The following ELP3 variants were observed in gnomAD, a reference collection of about 807,000 sequenced individuals.
The protein encoded by ELP3 is elongator acetyltransferase complex subunit 3.
Under a neutral mutation model 74.9 loss-of-function variants are expected in ELP3, and 56 were observed. That is an observed-to-expected ratio of 0.75 (90% CI 0.60 to 0.93). The LOEUF (loss-of-function observed/expected upper bound fraction) is 0.93, where lower values mean the gene tolerates loss of function less well. Ranked by LOEUF, ELP3 falls within the 40% of genes least tolerant of loss-of-function variation. The pLI is 0.00. For synonymous variants in ELP3, 222 were observed against 239.8 expected (o/e 0.93, Z 0.68); for missense variants, 573 against 686.5 (o/e 0.83, Z 1.85).
chr8:28,173,653 T>A (rs932980228), intron 14 of ELP3, among the ~76,000 whole-genome samples: 2 of 151,524 alleles, frequency 1.3e-5, no homozygotes, highest in Non-Finnish European at 3.0e-5. Flanking sequence ...TTCCTTAAGG[T>A]GTAGAGTAGG....
chr8:28,162,008 G>A lies in ELP3; in HGVS notation c.1497G>A (p.Met499Ile), dbSNP rs779372505. 4.3e-6 allele frequency: 7 copies of A among 1,614,004 alleles called. No homozygotes were observed. The Admixed American group carries it at 6.7e-5, about 15-fold the overall frequency. ...GTTGCTCCGTGCAGGGATTTGGCAT[G>A]CTGCTGATGGAGGAAGCAGAAAGAA... Reference protein sequence around the residue: ...PTKFQHQGFGMLLMEEAERIA... With the variant: ...PTKFQHQGFGILLMEEAERIA... Residue 499 changes from methionine to isoleucine, a missense_variant, in exon 14 of 15, where the codon ATG becomes ATA. Physicochemically the swap from Met to Ile is conservative, Grantham distance 10 (BLOSUM62 1). Coordinates refer to ENST00000256398, the MANE Select transcript of ELP3 (RefSeq NM_018091.6).
chr8:28,144,761 G>A (rs2130504322), intron 10 of ELP3, among the ~76,000 whole-genome samples: 1 of 152,318 alleles, frequency 6.6e-6, no homozygotes, highest in South Asian at 2.1e-4. Context: ...GTATCAGGCT[G>A]GGCGTGGTGG....
upstream of ELP3, among the ~76,000 whole-genome samples, chr8:28,091,865 G>C (rs976083746): frequency 6.6e-6 from 1 of 152,198 alleles, no homozygotes; most frequent in African/African-American, 2.4e-5. Context: ...AATATTTAAA[G>C]GGAAAGAGCA....
chr8:28,179,900 A>G (rs192604651), intron 14 of ELP3, among the ~76,000 whole-genome samples: 37 of 152,224 alleles, frequency 2.4e-4, no homozygotes, highest in Middle Eastern at 3.4e-3. Context: ...TTCACTAGGT[A>G]TAGTATTCTG....
Position 28,174,827 on chromosome 8 carries a change from A to C in ELP3, c.1567+12749A>C, listed in dbSNP as rs1814679395. Among the ~76,000 whole-genome samples the C allele has an allele frequency of 4.6e-5, 7 of 152,306 alleles. No individual in the cohort carries two copies. The South Asian group carries it at 1.4e-3, about 32-fold the overall frequency. On this transcript the variant is annotated intron_variant, in intron 14 of 14. Transcript: ENST00000256398. ...TTAGCATTTCTTATAGGGCAGGTTT[A>C]GTAGTAATAAGCTTCTTTAGCTTTT...
intron 10 of ELP3, among the ~76,000 whole-genome samples, chr8:28,150,431 C>A (rs117698037): frequency 0.031 from 4,699 of 152,128 alleles, 104 homozygotes; most frequent in Non-Finnish European, 0.045. Flanking sequence ...TCTGAGAAAG[C>A]CTTTTTCTCT....
At chr8:28,134,207 A>C (rs986307332) in intron 9 of ELP3, among the ~76,000 whole-genome samples, 1 of 152,194 alleles carries the variant, frequency 6.6e-6, no homozygotes, top group Non-Finnish European at 1.5e-5. Flanking sequence ...GACCAGTAGG[A>C]TAGCCAGAAC....
intron 10 of ELP3, among the ~76,000 whole-genome samples, chr8:28,141,108 G>A (rs918963599): frequency 1.1e-4 from 16 of 152,116 alleles, no homozygotes; most frequent in Admixed American, 3.9e-4. Flanking sequence ...ACCAACTACC[G>A]ACTGTACATA....
chr8:28,092,800 CCCGGATGTGACGACCCTGGGCTCCCACT>C, upstream of ELP3: 1 of 177,198 alleles, frequency 5.6e-6, no homozygotes. Context: ...ACCCACCCTC[CCCGGATGTGACGACCCTGGGCTCCCACT>C]CCCCCCCATG....
At chr8:28,116,120 G>A (rs1812122024) in intron 7 of ELP3, among the ~76,000 whole-genome samples, 1 of 152,104 alleles carries the variant, frequency 6.6e-6, no homozygotes, top group South Asian at 2.1e-4. Context: ...TCTTGGAATT[G>A]GGGGCAGCCA....
At chr8:28,166,332 T>A (rs1477240153) in intron 14 of ELP3, among the ~76,000 whole-genome samples, 1 of 152,222 alleles carries the variant, frequency 6.6e-6, no homozygotes, top group Non-Finnish European at 1.5e-5. Flanking sequence ...AAGAAAATAT[T>A]ATTTTTTTAC....
intron 14 of ELP3, among the ~76,000 whole-genome samples, chr8:28,181,166 T>C (rs1452891549): frequency 6.6e-6 from 1 of 152,248 alleles, no homozygotes; most frequent in Non-Finnish European, 1.5e-5. Context: ...CAATTTTGTC[T>C]AATATTTTCA....
chr8:28,128,274 G>T (rs1812657850), intron 7 of ELP3, among the ~76,000 whole-genome samples: 1 of 152,028 alleles, frequency 6.6e-6, no homozygotes, highest in African/African-American at 2.4e-5. Flanking sequence ...AGGAGTTCGA[G>T]ACCAGCCTGG....
chr8:28,164,018 A>T (rs1323941012), intron 14 of ELP3, among the ~76,000 whole-genome samples: 2 of 152,324 alleles, frequency 1.3e-5, no homozygotes, highest in Non-Finnish European at 2.9e-5. Flanking sequence ...TGATCCTTGC[A>T]GTGCTACACT....
intron 9 of ELP3, among the ~76,000 whole-genome samples, chr8:28,136,966 A>G (rs912976836): frequency 2.6e-5 from 4 of 152,216 alleles, no homozygotes; most frequent in African/African-American, 9.7e-5. Flanking sequence ...TGACTTGCCA[A>G]AAGTAGTTGA....
intron 14 of ELP3, among the ~76,000 whole-genome samples, chr8:28,181,914 A>C (rs905792159): frequency 7.2e-5 from 11 of 152,202 alleles, no homozygotes; most frequent in African/African-American, 2.7e-4. Flanking sequence ...GCAGGTATTT[A>C]AATCTCCCTC....
intron 1 of ELP3, chr8:28,093,567 C>A: frequency 2.6e-6 from 1 of 377,886 alleles, no homozygotes; most frequent in Non-Finnish European, 4.8e-6. Flanking sequence ...ATTTGTTTCA[C>A]GACACATTTG....
rs764954376 is a variant in ELP3, at chr8:28,132,391, T to C, written c.893T>C (p.Ile298Thr). The change falls in exon 9 of 15, where the codon ATT becomes ACT. Residue 298 changes from isoleucine to threonine, a missense_variant. Coordinates refer to ENST00000256398, the MANE Select transcript of ELP3 (RefSeq NM_018091.6). ...DLPNVGLERD[I>T]EQFTEFFENP... Reference sequence around the variant, plus strand: ...CCAAACGTGGGACTAGAAAGAGACATTGAACAGTTCACAGTAAGTGTGACT... The same window carrying C: ...CCAAACGTGGGACTAGAAAGAGACACTGAACAGTTCACAGTAAGTGTGACT... 1.9e-6 allele frequency: 3 copies of C among 1,613,968 alleles called. No homozygotes were observed. Among genetic ancestry groups the C allele is most frequent in the Non-Finnish European group, 2.5e-6 (3 of 1,179,970 alleles).
intron 10 of ELP3, among the ~76,000 whole-genome samples, chr8:28,155,646 A>C (rs535857354): frequency 2.0e-5 from 3 of 152,306 alleles, no homozygotes; most frequent in African/African-American, 7.2e-5. Flanking sequence ...ATCTTTACAA[A>C]TGGTTATTGG....
Sources: gnomAD v4.1 joint callset for allele counts (sites outside exome capture counted in the v4.1 genomes callset) on GRCh38, gnomAD v4.1.1 for gene constraint, MANE v1.5 for transcripts, NCBI Gene and HGNC (gene_info 2026-07-23, HGNC 2026-07-21) for gene names.